Variants in ENPEP observed in about 807,000 individuals in gnomAD.
ENPEP encodes AP-A.
A neutral mutation model predicts 114.5 loss-of-function variants in ENPEP; 103 were observed. That is an observed-to-expected ratio of 0.90 (90% CI 0.77 to 1.06). The LOEUF (loss-of-function observed/expected upper bound fraction) is 1.06, where lower values mean the gene tolerates loss of function less well. Ranked by LOEUF, ENPEP falls within the 50% of genes least tolerant of loss-of-function variation. The pLI is 0.00. For missense variants in ENPEP, 1,196 were observed against 1,161.3 expected, an observed-to-expected ratio of 1.03 and a Z score of -0.43; for synonymous variants, 420 against 422.0, an observed-to-expected ratio of 1.00 and a Z score of 0.06.
chr4:110,486,035 C>T lies in ENPEP; in HGVS notation c.645-2506C>T, dbSNP rs573265485. Among the ~76,000 whole-genome samples, 9 of 152,158 alleles carry T rather than the reference C, an allele frequency of 5.9e-5. No individual in the cohort carries two copies. The South Asian group carries it at 1.9e-3, about 32-fold the overall frequency. On this transcript the variant is annotated intron_variant, in intron 1 of 19. Transcript: ENST00000265162. Reference sequence around the variant, plus strand: ...GAGTTTTTGAAACCTTGCAAATATCCCTTCCTCACCAAACTTTCACCCCCT... The same window carrying T: ...GAGTTTTTGAAACCTTGCAAATATCTCTTCCTCACCAAACTTTCACCCCCT...
In ENPEP at chr4:110,520,051, AT is replaced by A. The variant is rs774439037; in HGVS notation, c.1558del (p.Trp520GlyfsTer12). The part of the protein sequence containing the change: ...KYQFKNAKTS[D>X]FWAALEEASR... ...CAATTCAAGAATGCAAAAACTTCTG[AT>A]TTTTGGGCAGCACTGGAAGAGGTAA... On this transcript the variant is annotated frameshift_variant, in exon 9 of 20. Transcript: ENST00000265162. LOFTEE classifies it high-confidence loss of function. The A allele has an allele frequency of 1.2e-6, 2 of 1,614,024 alleles. No homozygotes were observed. Among genetic ancestry groups the A allele is most frequent in the Non-Finnish European group, 1.7e-6 (2 of 1,179,912 alleles).
Position 110,561,594 on chromosome 4 carries a change from A to G in ENPEP, c.*36A>G, listed in dbSNP as rs780871283. On this transcript the variant is annotated 3_prime_UTR_variant, in exon 20 of 20. Coordinates refer to ENST00000265162, the MANE Select transcript of ENPEP (RefSeq NM_001977.4). The stretch of plus-strand genomic sequence containing the variant: ...TGTTAGAGTTTAATTTTGTGAATCT[A>G]TTGTTTCTCCTCTGAAGCATTTGGT... The G allele has an allele frequency of 1.3e-6, 2 of 1,593,854 alleles. No homozygotes were observed. Among genetic ancestry groups the G allele is most frequent in the East Asian group, 2.2e-5 (1 of 44,684 alleles).
intron 1 of ENPEP, among the ~76,000 whole-genome samples, chr4:110,487,422 T>A (rs1298718937): frequency 6.6e-6 from 1 of 152,254 alleles, no homozygotes; most frequent in Non-Finnish European, 1.5e-5. Context: ...GTCTGACTTT[T>A]TTCACTGTCA....
At chr4:110,533,149 G>A (rs1334716866) in intron 11 of ENPEP, 9 of 442,156 alleles carry the variant, frequency 2.0e-5, no homozygotes, top group East Asian at 1.4e-4. Flanking sequence ...GTTTGAAAGC[G>A]TGAATAATTC....
At position 110,564,569 on chromosome 4, in the gene ENPEP, T is replaced by C. The variant is rs1396043758; in HGVS notation, c.*3011T>C. ...TACTATTATATCTCCCCATCCCTAC[T>C]TAAGACACTAGTTTGAAGAATAAAA... On this transcript the variant is annotated 3_prime_UTR_variant, in exon 20 of 20. Coordinates refer to ENST00000265162, the MANE Select transcript of ENPEP (RefSeq NM_001977.4). 1 of 152,198 alleles carries C rather than the reference T, an allele frequency of 6.6e-6. No homozygotes were observed. The highest frequency in any genetic ancestry group is 2.4e-5 in the African/African-American group (1 of 41,442). The allele number at this position is 152,198 out of a possible 1,614,324, so 9.4% of individuals were successfully genotyped here.
chr4:110,508,290 G>C (rs556527547), intron 4 of ENPEP, among the ~76,000 whole-genome samples: 1 of 136,744 alleles, frequency 7.3e-6, no homozygotes, highest in East Asian at 2.2e-4. Flanking sequence ...AAAAAAAAAT[G>C]AGATTGCAAA....
chr4:110,520,658 G>T (rs1181071482), intron 10 of ENPEP, among the ~76,000 whole-genome samples: 1 of 152,172 alleles, frequency 6.6e-6, no homozygotes, highest in Non-Finnish European at 1.5e-5. Flanking sequence ...GGCTGTAAGT[G>T]TCACAGAGTT....
intron 2 of ENPEP, 55 bp downstream of exon 2, chr4:110,488,737 C>A (rs554909528): frequency 1.3e-6 from 2 of 1,542,834 alleles, no homozygotes; most frequent in South Asian, 1.3e-5. Context: ...CAACATTAGG[C>A]CAGTTACCTG....
chr4:110,496,384 CAG>C (rs1303662162), intron 3 of ENPEP, among the ~76,000 whole-genome samples: 4 of 152,228 alleles, frequency 2.6e-5, no homozygotes, highest in South Asian at 2.1e-4. Flanking sequence ...TTTAGATTTA[CAG>C]AGAGTTGCAA....
intron 15 of ENPEP, 43 bp downstream of exon 15, chr4:110,549,462 T>G: frequency 1.9e-6 from 3 of 1,612,388 alleles, no homozygotes; most frequent in Non-Finnish European, 2.5e-6. Flanking sequence ...TTAACATTTG[T>G]TTTTTGTTTT....
chr4:110,535,837 A>C (rs1726595792), intron 11 of ENPEP, among the ~76,000 whole-genome samples: 1 of 152,246 alleles, frequency 6.6e-6, no homozygotes, highest in Non-Finnish European at 1.5e-5. Flanking sequence ...AAAAATACAA[A>C]GTTAGCCAGG....
intron 4 of ENPEP, among the ~76,000 whole-genome samples, chr4:110,508,942 G>C (rs1725474577): frequency 2.0e-5 from 3 of 152,172 alleles, no homozygotes; most frequent in African/African-American, 7.2e-5. Flanking sequence ...ATTACATTCT[G>C]TTTACAGTTC....
intron 8 of ENPEP, chr4:110,518,926 A>G (rs901440641): frequency 2.1e-5 from 8 of 375,434 alleles, no homozygotes; most frequent in Non-Finnish European, 3.7e-5. Context: ...AACTATTACT[A>G]TGCCAAGTAT....
chr4:110,546,626 C>T (rs1395928626), intron 13 of ENPEP, among the ~76,000 whole-genome samples: 1 of 151,932 alleles, frequency 6.6e-6, no homozygotes, highest in Non-Finnish European at 1.5e-5. Context: ...AAATAAGAAC[C>T]AGCAGGTGAA....
chr4:110,476,697 G>T lies in ENPEP; in HGVS notation c.283G>T (p.Asp95Tyr), dbSNP rs570596378. ...ACAGTGGAAAAACTTTCGACTGCCG[G>T]ACTTCGTCAACCCAGTCCACTACGA... ...SGQWKNFRLP[D>Y]FVNPVHYDLH... The change falls in exon 1 of 20, where the codon GAC (aspartate) becomes TAC (tyrosine). Residue 95 changes from aspartate (D) to tyrosine (Y), a missense_variant. Coordinates refer to ENST00000265162, the MANE Select transcript of ENPEP (RefSeq NM_001977.4). 64 of 1,613,828 alleles carry T rather than the reference G, an allele frequency of 4.0e-5. No individual in the cohort carries two copies. Among genetic ancestry groups the T allele is most frequent in the Admixed American group, 3.8e-4 (23 of 60,028 alleles).
intron 18 of ENPEP, among the ~76,000 whole-genome samples, chr4:110,557,153 G>T (rs200029385): frequency 6.6e-6 from 1 of 152,116 alleles, no homozygotes; most frequent in African/African-American, 2.4e-5. Context: ...AATAGTCAAA[G>T]GGCCAGAAGT....
intron 18 of ENPEP, among the ~76,000 whole-genome samples, chr4:110,557,567 A>G (rs1727523477): frequency 6.6e-6 from 1 of 152,226 alleles, no homozygotes; most frequent in African/African-American, 2.4e-5. Flanking sequence ...ATGTGGGAAT[A>G]TAAACATTCT....
intron 4 of ENPEP, among the ~76,000 whole-genome samples, chr4:110,507,229 C>T (rs1725406340): frequency 6.6e-6 from 1 of 152,140 alleles, no homozygotes; most frequent in African/African-American, 2.4e-5. Context: ...CTAGATTCCC[C>T]AGCAGTTTAA....
At chr4:110,513,346 A>G in intron 6 of ENPEP, 69 bp from the exon 7 acceptor site, 1 of 1,491,820 alleles carries the variant, frequency 6.7e-7, no homozygotes, top group Non-Finnish European at 9.0e-7. Context: ...TTTCTTATAT[A>G]TGGTATTTTA....
Sources: gnomAD v4.1 joint callset for allele counts (sites outside exome capture counted in the v4.1 genomes callset) on GRCh38, gnomAD v4.1.1 for gene constraint, MANE v1.5 for transcripts, NCBI Gene and HGNC (gene_info 2026-07-23, HGNC 2026-07-21) for gene names.